Variants in PCNT observed in about 807,000 individuals in gnomAD.
The protein encoded by PCNT is pericentrin.
A neutral mutation model predicts 380.4 loss-of-function variants in PCNT; 319 were observed. The ratio of observed to expected loss-of-function variants is 0.84; its 90% CI spans 0.77 to 0.92. PCNT has a LOEUF of 0.92. PCNT is among the 40% of genes least tolerant of loss of function. The pLI is 0.00. For synonymous variants in PCNT, 1,845 were observed against 1,735.2 expected (o/e 1.06, Z -1.57); for missense variants, 4,400 against 4,255.3 (o/e 1.03, Z -0.95).
At chr21:46,331,632 A>G (rs1341033658) in intron 2 of PCNT, among the ~76,000 whole-genome samples, 1 of 151,992 alleles carries the variant, frequency 6.6e-6, no homozygotes, top group East Asian at 1.9e-4. Context: ...TGGGCATGAC[A>G]GTGCACACGT....
intron 41 of PCNT, among the ~76,000 whole-genome samples, chr21:46,439,159 C>G (rs973627496): frequency 1.3e-5 from 2 of 151,312 alleles, no homozygotes; most frequent in Non-Finnish European, 2.9e-5. Flanking sequence ...CATACAAGTT[C>G]ACACACACAC....
chr21:46,397,172 T>G lies in PCNT; in HGVS notation c.4217-93T>G. On this transcript the variant is annotated intron_variant, in intron 21 of 46. Transcript: ENST00000359568. ...TTGAAGTGACTTCATTTTCGGTGGG[T>G]TTTGACTGAATCACCATCAGGAGAT... 3 of 1,020,904 alleles carry G rather than the reference T, an allele frequency of 2.9e-6. No individual in the cohort carries two copies. In the South Asian group the frequency reaches 3.9e-5, roughly 13 times the overall value. 63.2% of individuals were successfully genotyped at this position (1,020,904 alleles called of 1,614,324 possible).
chr21:46,371,748 C>T (rs779887500), intron 15 of PCNT, among the ~76,000 whole-genome samples: 1 of 152,242 alleles, frequency 6.6e-6, no homozygotes, highest in Non-Finnish European at 1.5e-5. Flanking sequence ...CCAGGCGCCA[C>T]CACCCCGCCT....
rs2087802113 is a variant in PCNT at position 46,432,275 on chromosome 21, G to A, written c.8751+60G>A. ...AAAAACGATAAGCAATTGGAGTTAG[G>A]ATGGTTCACGTGGGGGACGCGAGAT... On this transcript the variant is annotated intron_variant, in intron 38 of 46. Coordinates refer to ENST00000359568, the MANE Select transcript of PCNT (RefSeq NM_006031.6). 6.7e-6 allele frequency: 10 copies of A among 1,502,740 alleles called. No individual in the cohort carries two copies. The South Asian group carries it at 1.2e-4, about 18-fold the overall frequency. 93.1% of individuals were successfully genotyped at this position (1,502,740 alleles called of 1,614,324 possible).
rs542267918 is a variant in PCNT, at chr21:46,333,119, T to G, written c.268-1278T>G. Among the ~76,000 whole-genome samples the G allele has an allele frequency of 3.5e-5, 5 of 143,880 alleles. No homozygotes were observed. The East Asian group carries it at 8.4e-4, about 24-fold the overall frequency. The allele number at this position is 143,880 out of a possible 152,430, so 94.4% of individuals were successfully genotyped here. ...CAGAGCAAGACCTTGTCTCAAAAAA[T>G]TAATTAAATTTCTTTTTTAAAGTAG... On this transcript the variant is annotated intron_variant, in intron 2 of 46. Transcript: ENST00000359568.
intron 27 of PCNT, among the ~76,000 whole-genome samples, chr21:46,410,029 G>A (rs1273228962): frequency 6.6e-6 from 1 of 152,216 alleles, no homozygotes; most frequent in Non-Finnish European, 1.5e-5. Flanking sequence ...AGTTTATTTA[G>A]TGCATTTAGG....
intron 40 of PCNT, 149 bp from the exon 41 acceptor site, chr21:46,438,013 CTT>C (rs1459970132): frequency 5.7e-6 from 4 of 697,220 alleles, no homozygotes; most frequent in East Asian, 2.8e-5. Context: ...GATTCAATGA[CTT>C]TTACAATTTT....
At chr21:46,377,382 C>T (rs1002039115) in intron 15 of PCNT, among the ~76,000 whole-genome samples, 22 of 152,248 alleles carry the variant, frequency 1.4e-4, no homozygotes, top group Non-Finnish European at 4.4e-5. Flanking sequence ...AAAAAACTTA[C>T]TTTATCAGTT....
At chr21:46,327,977 G>T (rs1391750545) in intron 2 of PCNT, among the ~76,000 whole-genome samples, 4 of 152,190 alleles carry the variant, frequency 2.6e-5, no homozygotes, top group Non-Finnish European at 4.4e-5. Context: ...CCTGGAGGCG[G>T]GCTGTCCTTG....
At chr21:46,338,712 T>C (rs1003840878) in intron 3 of PCNT, among the ~76,000 whole-genome samples, 6 of 151,796 alleles carry the variant, frequency 4.0e-5, no homozygotes, top group African/African-American at 1.5e-4. Context: ...CTCAAGCGAT[T>C]CTCCTGCTTC....
rs925637422 is a variant in PCNT at position 46,438,197 on chromosome 21, G to A, written c.9133G>A (p.Val3045Met). ...KMAAELQFQF[V>M]DVLLKDNVSL... ...GGCAGCAGAGCTGCAGTTCCAGTTT[G>A]TGGACGTCCTGCTGAAAGACAATGT... The change falls in exon 41 of 47, where the codon GTG (valine) becomes ATG (methionine). Residue 3045 changes from valine (V) to methionine (M), a missense_variant. Val to Met is a conservative substitution (Grantham distance 21, BLOSUM62 1). Coordinates refer to ENST00000359568, the MANE Select transcript of PCNT (RefSeq NM_006031.6). 1.9e-6 allele frequency: 3 copies of A among 1,614,134 alleles called. No individual in the cohort carries two copies. The highest frequency in any genetic ancestry group is 1.7e-6 in the Non-Finnish European group (2 of 1,179,974).
In PCNT at chr21:46,353,087, A is replaced by C; in HGVS notation, c.1457-17A>C. The C allele has an allele frequency of 6.2e-7, 1 of 1,606,052 alleles. No homozygotes were observed. The highest frequency in any genetic ancestry group is 1.1e-5 in the South Asian group (1 of 90,854). On this transcript the variant is annotated splice_polypyrimidine_tract_variant and intron_variant, in intron 9 of 46. Coordinates refer to ENST00000359568, the MANE Select transcript of PCNT (RefSeq NM_006031.6). ...TGTCCCATTTTAAGACGATTGCCTG[A>C]CTCCGTTATGTTGCAGAGCTACATG...
At position 46,353,314 on chromosome 21, in the gene PCNT, C is replaced by T. The variant is rs1308362313; in HGVS notation, c.1667C>T (p.Ser556Phe). 14 of 1,613,850 alleles carry T rather than the reference C, an allele frequency of 8.7e-6. No individual in the cohort carries two copies. The highest frequency in any genetic ancestry group is 6.7e-5 in the African/African-American group (5 of 74,918). ...GCGAGGGAAGATGCTCTTCTGGACT[C>T]TGTGGAAGTTGGGTAAGCAAAGCAG... is the stretch of plus-strand genomic sequence containing the variant. ...QGAREDALLD[S>F]VEVGLSCVGL... The change falls in exon 10 of 47, where the codon TCT (serine) becomes TTT (phenylalanine). Residue 556 changes from serine to phenylalanine, a missense_variant. Physicochemically the swap from Ser to Phe is radical, Grantham distance 155. Coordinates refer to ENST00000359568, the MANE Select transcript of PCNT (RefSeq NM_006031.6).
At chr21:46,443,997 A>G (rs1320830283) in intron 45 of PCNT, 49 bp downstream of exon 45, 1 of 1,587,668 alleles carries the variant, frequency 6.3e-7, no homozygotes, top group African/African-American at 1.3e-5. Flanking sequence ...CTCTCCCTCC[A>G]GCCTACATAG....
intron 27 of PCNT, 125 bp from the exon 28 acceptor site, chr21:46,411,064 T>C (rs887215477): frequency 3.7e-5 from 38 of 1,033,392 alleles, no homozygotes; most frequent in Admixed American, 3.0e-4. Flanking sequence ...CTTCTATGGC[T>C]GCTTTGTTTT....
intron 27 of PCNT, among the ~76,000 whole-genome samples, chr21:46,408,343 A>G (rs1003949580): frequency 2.0e-5 from 3 of 152,254 alleles, no homozygotes; most frequent in African/African-American, 7.2e-5. Flanking sequence ...GCAGTGATGA[A>G]TCGAGCCACC....
At chr21:46,433,663 C>T (rs538809261) in intron 38 of PCNT, among the ~76,000 whole-genome samples, 1 of 152,008 alleles carries the variant, frequency 6.6e-6, no homozygotes, top group African/African-American at 2.4e-5. Context: ...TTGATTGTTT[C>T]TTAAAAAAAA....
At chr21:46,347,387 T>G in intron 5 of PCNT, 70 bp from the exon 6 acceptor site, 1 of 1,516,720 alleles carries the variant, frequency 6.6e-7, no homozygotes, top group Non-Finnish European at 9.2e-7. Flanking sequence ...GCCTGGTCGT[T>G]TCCTGGGCAG....
intron 31 of PCNT, 37 bp downstream of exon 31, chr21:46,418,343 C>A (rs756704810): frequency 7.8e-5 from 94 of 1,206,982 alleles, no homozygotes; most frequent in Non-Finnish European, 1.0e-4. Context: ...TTTTTTATTT[C>A]AGTGGTTTCC....
Sources: allele counts gnomAD v4.1 joint callset (sites outside exome capture counted in the v4.1 genomes callset), GRCh38; gene constraint gnomAD v4.1.1; transcripts MANE v1.5; gene names NCBI Gene and HGNC (gene_info 2026-07-23, HGNC 2026-07-21).